Variants in TNS1 observed in about 807,000 individuals in gnomAD.
The protein encoded by TNS1 is tensin-1.
Under a neutral mutation model 168.6 loss-of-function variants are expected in TNS1, and 62 were observed. The observed-to-expected ratio is 0.37, with a 90% CI of 0.30 to 0.45. TNS1 has a LOEUF of 0.45. Ranked by LOEUF, TNS1 falls within the 20% of genes least tolerant of loss-of-function variation. The pLI is 1.00. For missense variants in TNS1, 2,240 were observed against 2,339.4 expected (o/e 0.96, Z 0.88); for synonymous variants, 934 against 933.2 (o/e 1.00, Z -0.02).
chr2:217,911,500 C>A (rs373309706), intron 4 of TNS1, among the ~76,000 whole-genome samples: 1 of 152,280 alleles, frequency 6.6e-6, no homozygotes, highest in Admixed American at 6.5e-5. Context: ...TGGCCCTCAT[C>A]CTGGCCCTGG....
At chr2:217,976,597 C>T (rs1041052430) in intron 3 of TNS1, among the ~76,000 whole-genome samples, 1 of 152,216 alleles carries the variant, frequency 6.6e-6, no homozygotes, top group Non-Finnish European at 1.5e-5. Flanking sequence ...AGCACTGCGG[C>T]AGCCTGGTGC....
intron 18 of TNS1, among the ~76,000 whole-genome samples, chr2:217,866,297 T>C (rs1949264810): frequency 6.6e-6 from 1 of 152,252 alleles, no homozygotes; most frequent in Admixed American, 6.5e-5. Flanking sequence ...GTATAGGTGA[T>C]CCCTAAAGTC....
chr2:217,900,256 C>T (rs1952803929), intron 7 of TNS1, among the ~76,000 whole-genome samples: 1 of 152,256 alleles, frequency 6.6e-6, no homozygotes, highest in African/African-American at 2.4e-5. Context: ...AAAGACTCAG[C>T]TCAAGGGCTG....
intron 18 of TNS1, among the ~76,000 whole-genome samples, chr2:217,854,397 G>A (rs977418615): frequency 2.6e-5 from 4 of 152,196 alleles, no homozygotes; most frequent in African/African-American, 4.8e-5. Context: ...TTTGAATAGC[G>A]AATGAGTTAC....
At chr2:217,949,603 G>C (rs1458377128) in intron 3 of TNS1, among the ~76,000 whole-genome samples, 1 of 152,212 alleles carries the variant, frequency 6.6e-6, no homozygotes, top group East Asian at 1.9e-4. Flanking sequence ...AGCAAGCAAA[G>C]GGGTGTTGAT....
At chr2:217,859,555 A>G (rs1239192448) in intron 18 of TNS1, 8 of 1,288,784 alleles carry the variant, frequency 6.2e-6, no homozygotes, top group Non-Finnish European at 8.7e-6. Context: ...TTCTCAGTGC[A>G]AAGCTTTGGA....
intron 28 of TNS1, among the ~76,000 whole-genome samples, chr2:217,810,716 G>C (rs563234960): frequency 1.3e-5 from 2 of 152,156 alleles, no homozygotes; most frequent in African/African-American, 4.8e-5. Flanking sequence ...ATATATCTTT[G>C]TGTAGGTCAA....
At chr2:217,937,044 C>T (rs4674232) in intron 3 of TNS1, 454,136 of 456,554 alleles carry the variant, frequency 0.99, 225,877 homozygotes, top group East Asian at 1. Flanking sequence ...TTTTCCTCCC[C>T]GCAAAACTCC....
intron 7 of TNS1, among the ~76,000 whole-genome samples, chr2:217,898,468 T>C (rs1326882180): frequency 1.3e-5 from 2 of 152,190 alleles, no homozygotes; most frequent in Non-Finnish European, 1.5e-5. Context: ...TCTCGAGCTG[T>C]GGAGTGGGCG....
At chr2:217,982,222 G>A (rs913518586) in intron 2 of TNS1, among the ~76,000 whole-genome samples, 6 of 152,046 alleles carry the variant, frequency 3.9e-5, no homozygotes, top group Admixed American at 6.6e-5. Context: ...TGAGCCATGT[G>A]GGAACTGGAT....
intron 20 of TNS1, 40 bp downstream of exon 20, chr2:217,835,975 A>C (rs1462815363): frequency 3.2e-6 from 5 of 1,557,514 alleles, no homozygotes; most frequent in Non-Finnish European, 4.4e-6. Flanking sequence ...AGTGGGCACC[A>C]CTACCCTCCA....
intron 2 of TNS1, among the ~76,000 whole-genome samples, chr2:217,979,520 A>AAC (rs1408708745): frequency 2.3e-5 from 3 of 128,624 alleles, no homozygotes; most frequent in Non-Finnish European, 3.4e-5. Flanking sequence ...CATGACTTGA[A>AAC]ACACACAGAC....
At chr2:217,976,801 A>C (rs1957908158) in intron 3 of TNS1, among the ~76,000 whole-genome samples, 1 of 152,222 alleles carries the variant, frequency 6.6e-6, no homozygotes, top group African/African-American at 2.4e-5. Context: ...TTATCCCCTT[A>C]TCCTTCCTAA....
At chr2:218,017,647 T>C (rs1321661590) in intron 1 of TNS1, among the ~76,000 whole-genome samples, 6 of 152,364 alleles carry the variant, frequency 3.9e-5, no homozygotes, top group African/African-American at 1.4e-4. Flanking sequence ...GTGTGGGCCA[T>C]GTGACCTTGG....
At chr2:217,850,203 C>T (rs1947270379) in intron 18 of TNS1, 17 of 985,232 alleles carry the variant, frequency 1.7e-5, no homozygotes, top group Middle Eastern at 5.2e-4. Flanking sequence ...TGAGCCAGCC[C>T]GGGGGCCCCT....
intron 13 of TNS1, 69 bp from the exon 14 acceptor site, chr2:217,886,173 T>A: frequency 6.6e-7 from 1 of 1,517,202 alleles, no homozygotes; most frequent in Non-Finnish European, 9.1e-7. Context: ...GAGGAGACAG[T>A]GAAGGGAGAA....
chr2:218,000,461 C>T (rs1020635676), intron 1 of TNS1, among the ~76,000 whole-genome samples: 9 of 152,228 alleles, frequency 5.9e-5, no homozygotes, highest in African/African-American at 1.2e-4. Context: ...GTCTGGGATA[C>T]AGAGGATCCC....
Position 218,032,716 on chromosome 2 carries a change from G to T in TNS1, c.156+1104C>A, listed in dbSNP as rs765051521. Among the ~76,000 whole-genome samples the T allele has an allele frequency of 6.6e-6, 1 of 152,166 alleles. No individual in the cohort carries two copies. On this transcript the variant is annotated intron_variant, in intron 1 of 1. Transcript: ENST00000649572. This position sits in a 1 kb window ranked among gnomAD's most constrained non-coding sequence, Gnocchi z 4.0. ...GGCTGCTCTTCCCTAAACCCCTGAA[G>T]GGGGGAGCCCCGAGCAGCAGCAACC... is the stretch of plus-strand genomic sequence containing the variant.
chr2:218,027,822 A>G (rs1958863007), intron 1 of TNS1, among the ~76,000 whole-genome samples: 1 of 152,156 alleles, frequency 6.6e-6, no homozygotes, highest in Admixed American at 6.5e-5. Flanking sequence ...GAGGATTCAG[A>G]GGCTTCCCCA....
Sources: gnomAD v4.1 joint callset for allele counts (sites outside exome capture counted in the v4.1 genomes callset) on GRCh38, gnomAD v4.1.1 for gene constraint, Gnocchi (gnomAD v3.1) non-coding constraint, MANE v1.5 for transcripts, NCBI Gene and HGNC (gene_info 2026-07-23, HGNC 2026-07-21) for gene names.